Variants in ALX4 observed in about 807,000 individuals in gnomAD.
ALX4 encodes ALX homeobox 4.
Under a neutral mutation model 40.6 loss-of-function variants are expected in ALX4, and 22 were observed. That is an observed-to-expected ratio of 0.54 (90% CI 0.39 to 0.77). The LOEUF (loss-of-function observed/expected upper bound fraction) is 0.77, where lower values mean the gene tolerates loss of function less well. Among genes scored for constraint, ALX4 ranks in the 30% least tolerant of loss-of-function variants. The pLI is 0.00. For missense variants in ALX4, 556 were observed against 564.8 expected, an observed-to-expected ratio of 0.98 and a Z score of 0.16; for synonymous variants, 266 against 240.5, an observed-to-expected ratio of 1.11 and a Z score of -0.98.
chr11:44,265,756 GA>G (rs1351127624), intron 3 of ALX4, among the ~76,000 whole-genome samples: 2 of 152,138 alleles, frequency 1.3e-5, no homozygotes, highest in Non-Finnish European at 2.9e-5. Context: ...GGAGGCTTCA[GA>G]ACTAACTCAG....
chr11:44,274,909 A>T (rs1182990738), intron 2 of ALX4, among the ~76,000 whole-genome samples: 3 of 152,196 alleles, frequency 2.0e-5, no homozygotes, highest in African/African-American at 4.8e-5. Context: ...GGAAGAGCTA[A>T]ACTGTTCTCT....
At chr11:44,301,915 G>C (rs1005923332) in intron 1 of ALX4, among the ~76,000 whole-genome samples, 1 of 152,216 alleles carries the variant, frequency 6.6e-6, no homozygotes, top group South Asian at 2.1e-4. Context: ...CTTGTCAGAC[G>C]GCCTCGCCGC....
intron 2 of ALX4, among the ~76,000 whole-genome samples, chr11:44,274,956 A>G (rs949297170): frequency 6.6e-6 from 1 of 152,182 alleles, no homozygotes; most frequent in East Asian, 1.9e-4. Flanking sequence ...CATTGTCTTC[A>G]TGTTTGTCCT....
intron 1 of ALX4, among the ~76,000 whole-genome samples, chr11:44,292,929 T>G (rs1455475849): frequency 6.6e-6 from 1 of 151,500 alleles, no homozygotes; most frequent in African/African-American, 2.4e-5. Context: ...GACCCCCATC[T>G]CTATAAAAAA....
chr11:44,303,439 C>A (rs1956446940), intron 1 of ALX4, among the ~76,000 whole-genome samples: 1 of 152,150 alleles, frequency 6.6e-6, no homozygotes, highest in Non-Finnish European at 1.5e-5. Flanking sequence ...CCGTATCTCC[C>A]AGTGACCCCC....
chr11:44,274,221 CTGTTG>C (rs542924616), intron 2 of ALX4, among the ~76,000 whole-genome samples: 172 of 152,286 alleles, frequency 1.1e-3, no homozygotes, highest in African/African-American at 3.9e-3. Context: ...TGGTTTGCTT[CTGTTG>C]TGTTGGGTTG....
At position 44,265,103 on chromosome 11, in the gene ALX4, A is replaced by G. The variant is rs1192239472; in HGVS notation, c.987T>C (p.Pro329=). ...PACVVPCDPV[P]ACMSPHAHPP... Reference sequence around the variant, plus strand: ...GGTGGGCATGAGGGGACATGCAGGCAGGCACCGGGTCGCAGGGGACCACGC... The same window carrying G: ...GGTGGGCATGAGGGGACATGCAGGCGGGCACCGGGTCGCAGGGGACCACGC... Residue 329 remains proline (P), a synonymous_variant, in exon 4 of 4, where the codon CCT becomes CCC. Transcript: ENST00000652299. 1 of 1,612,382 alleles carries G rather than the reference A, an allele frequency of 6.2e-7. No homozygotes were observed. The highest frequency in any genetic ancestry group is 8.5e-7 in the Non-Finnish European group (1 of 1,179,704).
chr11:44,302,722 T>C (rs773707524), intron 1 of ALX4, among the ~76,000 whole-genome samples: 9 of 152,188 alleles, frequency 5.9e-5, no homozygotes, highest in Non-Finnish European at 1.2e-4. Flanking sequence ...CATTCCACCA[T>C]GGCCCTGTAG....
At chr11:44,280,607 A>G (rs1178016293) in intron 1 of ALX4, among the ~76,000 whole-genome samples, 1 of 152,206 alleles carries the variant, frequency 6.6e-6, no homozygotes, top group African/African-American at 2.4e-5. Flanking sequence ...AAGACAATGT[A>G]GTCCCAATCT....
In ALX4 at chr11:44,261,874, G is replaced by C. The variant is rs1004200847; in HGVS notation, c.*2980C>G. ...GATGCTTCTCTCCACCTGCCTTCAT[G>C]AGCTTTAGCTCCAGATGGCCTTGGG... On this transcript the variant is annotated 3_prime_UTR_variant, in exon 4 of 4. Coordinates refer to ENST00000652299, the MANE Select transcript of ALX4 (RefSeq NM_021926.4). The C allele has an allele frequency of 6.6e-6, 1 of 152,300 alleles. No homozygotes were observed. Among genetic ancestry groups the C allele is most frequent in the Non-Finnish European group, 1.5e-5 (1 of 68,068 alleles). 9.4% of individuals were successfully genotyped at this position (152,300 alleles called of 1,614,324 possible).
At chr11:44,279,528 G>A (rs562021467) in intron 1 of ALX4, among the ~76,000 whole-genome samples, 5 of 152,200 alleles carry the variant, frequency 3.3e-5, no homozygotes, top group Admixed American at 6.5e-5. Flanking sequence ...CTGACTCCCC[G>A]CAAGGTGCCC....
chr11:44,283,317 C>T (rs527812741), intron 1 of ALX4, among the ~76,000 whole-genome samples: 1 of 149,514 alleles, frequency 6.7e-6, no homozygotes, highest in East Asian at 2.0e-4. Context: ...AAAGAAAATA[C>T]AAAATTGTGT....
chr11:44,285,973 G>C (rs569995777), intron 1 of ALX4, among the ~76,000 whole-genome samples: 11 of 152,230 alleles, frequency 7.2e-5, no homozygotes, highest in Non-Finnish European at 1.3e-4. Flanking sequence ...GCAAATGCCT[G>C]TGTGTGCCTG....
At chr11:44,289,311 C>A (rs1458161453) in intron 1 of ALX4, among the ~76,000 whole-genome samples, 4 of 152,192 alleles carry the variant, frequency 2.6e-5, no homozygotes, top group Admixed American at 1.3e-4. Context: ...AATTACCAAG[C>A]TCCTTAGACA....
At chr11:44,266,635 G>A (rs1273097020) in intron 3 of ALX4, among the ~76,000 whole-genome samples, 2 of 152,202 alleles carry the variant, frequency 1.3e-5, no homozygotes, top group Non-Finnish European at 2.9e-5. Flanking sequence ...GTTGGGAGCT[G>A]AGGTGGAGGC....
chr11:44,306,432 T>C (rs529871551), intron 1 of ALX4, among the ~76,000 whole-genome samples: 52 of 152,336 alleles, frequency 3.4e-4, no homozygotes, highest in African/African-American at 3.1e-4. Context: ...CGAGAGGCAA[T>C]TGGACTCTGC....
chr11:44,276,423 G>A (rs529700999), intron 1 of ALX4, among the ~76,000 whole-genome samples: 8 of 152,356 alleles, frequency 5.3e-5, no homozygotes, highest in Non-Finnish European at 1.2e-4. Flanking sequence ...CTGGGTGGGT[G>A]TACATGAGCA....
intron 1 of ALX4, 132 bp downstream of exon 1, chr11:44,309,465 G>C: frequency 6.8e-7 from 1 of 1,472,964 alleles, no homozygotes. Flanking sequence ...GATCGATCCC[G>C]TTTACCGACC....
chr11:44,309,958 C>T lies in ALX4; in HGVS notation c.105G>A (p.Arg35=). Residue 35 remains arginine (R), a synonymous_variant, in exon 1 of 4, where the codon AGG becomes AGA. Coordinates refer to ENST00000652299, the MANE Select transcript of ALX4 (RefSeq NM_021926.4). ...SQSREGSSPF[R]AFPGGDKFGT... is the part of the protein sequence containing the mutation. ...CGAACTTGTCGCCTCCGGGAAATGCCCTAAAAGGCGACGAGCCCTCCCGAC... is the reference window on the plus strand; with the variant it reads ...CGAACTTGTCGCCTCCGGGAAATGCTCTAAAAGGCGACGAGCCCTCCCGAC... The T allele has an allele frequency of 6.3e-7, 1 of 1,595,738 alleles. No homozygotes were observed. The highest frequency in any genetic ancestry group is 8.5e-7 in the Non-Finnish European group (1 of 1,171,100).
Sources: allele counts gnomAD v4.1 joint callset (sites outside exome capture counted in the v4.1 genomes callset), GRCh38; gene constraint gnomAD v4.1.1; transcripts MANE v1.5; gene names NCBI Gene and HGNC (gene_info 2026-07-23, HGNC 2026-07-21).